The following TNS3 variants were observed in gnomAD, a reference collection of about 807,000 sequenced individuals.
TNS3 encodes tensin 3, also known as tensin-3.
A neutral mutation model predicts 140.9 loss-of-function variants in TNS3; 45 were observed. The ratio of observed to expected loss-of-function variants is 0.32; its 90% confidence interval spans 0.25 to 0.41. TNS3 has a LOEUF of 0.41. Ranked by LOEUF, TNS3 falls within the 10% of genes least tolerant of loss-of-function variation. The pLI, the probability that TNS3 is intolerant of heterozygous loss-of-function variation, is 1.00. For missense variants in TNS3, 1,716 were observed against 1,906.7 expected (o/e 0.90, Z 1.86); for synonymous variants, 815 against 788.4 (o/e 1.03, Z -0.56).
intron 16 of TNS3, among the ~76,000 whole-genome samples, chr7:47,376,726 G>GAGACACACACACACACACAC (rs1554305193): frequency 1.4e-5 from 2 of 144,254 alleles, no homozygotes; most frequent in Admixed American, 6.9e-5. Flanking sequence ...TCTAGATCAA[G>GAGACACACACACACACACAC]ACACACACAC....
chr7:47,517,263 C>A (rs1481509391), intron 2 of TNS3, among the ~76,000 whole-genome samples: 1 of 152,178 alleles, frequency 6.6e-6, no homozygotes, highest in Non-Finnish European at 1.5e-5. Context: ...TGGATGGTCT[C>A]CACAAGCCCC....
intron 3 of TNS3, among the ~76,000 whole-genome samples, chr7:47,498,106 G>A (rs1798080289): frequency 6.6e-6 from 1 of 152,204 alleles, no homozygotes; most frequent in Non-Finnish European, 1.5e-5. Flanking sequence ...AAGTAATGGA[G>A]GTTCTGCAGG....
chr7:47,452,592 T>C (rs1249724766), intron 4 of TNS3, among the ~76,000 whole-genome samples: 3 of 152,128 alleles, frequency 2.0e-5, no homozygotes, highest in Non-Finnish European at 4.4e-5. Flanking sequence ...TTTGGAACCA[T>C]ATGGAAGGAG....
At chr7:47,352,483 T>G (rs1186233481) in intron 17 of TNS3, among the ~76,000 whole-genome samples, 2 of 152,156 alleles carry the variant, frequency 1.3e-5, no homozygotes, top group Admixed American at 1.3e-4. Flanking sequence ...AGGGTCAGGT[T>G]CTGCATTCTG....
chr7:47,376,129 C>A (rs776854440), intron 16 of TNS3, among the ~76,000 whole-genome samples: 2 of 152,154 alleles, frequency 1.3e-5, no homozygotes, highest in Admixed American at 1.3e-4. Flanking sequence ...TAGTCATAAA[C>A]GGGGACTTAA....
chr7:47,491,119 A>T (rs1164134460), intron 3 of TNS3, among the ~76,000 whole-genome samples: 1 of 152,236 alleles, frequency 6.6e-6, no homozygotes, highest in East Asian at 1.9e-4. Flanking sequence ...GACCCAGGAC[A>T]CTAGCCAGTG....
At chr7:47,363,267 TATC>T (rs1472929138) in intron 17 of TNS3, among the ~76,000 whole-genome samples, 2 of 144,566 alleles carry the variant, frequency 1.4e-5, no homozygotes, top group African/African-American at 5.2e-5. Context: ...CCACCATCAA[TATC>T]ATCACAGTCA....
intron 16 of TNS3, among the ~76,000 whole-genome samples, chr7:47,393,256 T>C (rs1378746761): frequency 6.6e-6 from 1 of 152,206 alleles, no homozygotes; most frequent in Non-Finnish European, 1.5e-5. Flanking sequence ...TCAAAAAATA[T>C]TGATACAAGC....
chr7:47,379,291 T>C (rs778204081), intron 16 of TNS3, among the ~76,000 whole-genome samples: 16 of 152,188 alleles, frequency 1.1e-4, no homozygotes, highest in Non-Finnish European at 1.5e-4. Flanking sequence ...ATCTTACCCA[T>C]AGCATATGCA....
intron 15 of TNS3, among the ~76,000 whole-genome samples, chr7:47,399,431 T>C (rs923355384): frequency 1.3e-5 from 2 of 152,190 alleles, no homozygotes; most frequent in Non-Finnish European, 2.9e-5. Context: ...GACTTCAAAC[T>C]ATACTAAAAG....
chr7:47,276,486 G>A lies in TNS3; in HGVS notation c.*1590C>T, dbSNP rs138851487. On this transcript the variant is annotated 3_prime_UTR_variant, in exon 31 of 31. Coordinates refer to ENST00000311160, the MANE Select transcript of TNS3 (RefSeq NM_022748.12). ...TGTGACACCAGTGTGGCCTAAGAATGGGGGATTTGACTTTTGAAAGCAGAG... is the reference window on the plus strand; with the variant it reads ...TGTGACACCAGTGTGGCCTAAGAATAGGGGATTTGACTTTTGAAAGCAGAG... 3 of 152,362 alleles carry A rather than the reference G, an allele frequency of 2.0e-5. No individual in the cohort carries two copies. The East Asian group carries it at 5.8e-4, about 29-fold the overall frequency. The allele number at this position is 152,362 out of a possible 1,614,324, so 9.4% of individuals were successfully genotyped here.
chr7:47,288,161 C>A (rs920243655), intron 27 of TNS3, among the ~76,000 whole-genome samples: 2 of 152,158 alleles, frequency 1.3e-5, no homozygotes, highest in African/African-American at 4.8e-5. Context: ...ATGGGCAGGG[C>A]TGTGTCCCTG....
At chr7:47,346,635 ACC>A (rs1277217636) in intron 17 of TNS3, among the ~76,000 whole-genome samples, 1 of 152,128 alleles carries the variant, frequency 6.6e-6, no homozygotes, top group Non-Finnish European at 1.5e-5. Flanking sequence ...AGGACCAAGC[ACC>A]CAGACTCACT....
At chr7:47,287,837 G>A (rs1038676695) in intron 27 of TNS3, among the ~76,000 whole-genome samples, 1 of 152,156 alleles carries the variant, frequency 6.6e-6, no homozygotes, top group Non-Finnish European at 1.5e-5. Context: ...CAACTCAGAT[G>A]ATCAGATACA....
upstream of TNS3, chr7:47,582,484 C>T (rs1481684449): frequency 2.2e-6 from 1 of 456,464 alleles, no homozygotes; most frequent in East Asian, 7.0e-5. Context: ...TTTCATTCAG[C>T]GCCTGTGATT....
At chr7:47,347,827 C>T (rs1473161406) in intron 17 of TNS3, among the ~76,000 whole-genome samples, 1 of 152,200 alleles carries the variant, frequency 6.6e-6, no homozygotes, top group Non-Finnish European at 1.5e-5. Flanking sequence ...TCACCAGCTG[C>T]AGGACATCCT....
At chr7:47,537,134 C>G (rs1350266922) in intron 1 of TNS3, among the ~76,000 whole-genome samples, 1 of 151,948 alleles carries the variant, frequency 6.6e-6, no homozygotes, top group Admixed American at 6.6e-5. Flanking sequence ...CGCGGGGAGC[C>G]GGGCTCGGCC....
intron 5 of TNS3, 21 bp from the exon 6 acceptor site, chr7:47,439,679 G>T: frequency 6.2e-7 from 1 of 1,612,082 alleles, no homozygotes; most frequent in South Asian, 1.1e-5. Flanking sequence ...GCAGTGGGCA[G>T]ATCAGAAACA....
intron 2 of TNS3, among the ~76,000 whole-genome samples, chr7:47,519,592 T>A (rs1246587221): frequency 6.6e-6 from 1 of 152,078 alleles, no homozygotes; most frequent in Admixed American, 6.5e-5. Context: ...TGTCCCTCAC[T>A]AGCCCAGCAG....
Sources: allele counts gnomAD v4.1 joint callset (sites outside exome capture counted in the v4.1 genomes callset), GRCh38; gene constraint gnomAD v4.1.1; transcripts MANE v1.5; gene names NCBI Gene and HGNC (gene_info 2026-07-23, HGNC 2026-07-21).